The following RFX8 variants were observed in gnomAD, a reference collection of about 807,000 sequenced individuals.
The protein encoded by RFX8 is regulatory factor X8.
In RFX8, 46 loss-of-function variants were observed where a neutral mutation model predicts 54.6. The observed-to-expected ratio is 0.84, with a 90% CI of 0.67 to 1.08. The LOEUF (loss-of-function observed/expected upper bound fraction) is 1.08. Among genes scored for constraint, RFX8 ranks in the 50% least tolerant of loss-of-function variants. The probability of loss-of-function intolerance (pLI) is 0.00; values close to 1 mark genes in which losing one functional copy is unlikely to be tolerated. For synonymous variants in RFX8, 192 were observed against 209.5 expected (o/e 0.92, Z 0.72); for missense variants, 536 against 562.3 (o/e 0.95, Z 0.47).
intron 2 of RFX8, among the ~76,000 whole-genome samples, chr2:101,442,591 T>C (rs1000294870): frequency 6.6e-6 from 1 of 152,210 alleles, no homozygotes; most frequent in Non-Finnish European, 1.5e-5. Context: ...GTTTCAATGA[T>C]AAATGTGTTG....
At chr2:101,425,279 G>A (rs1298270436) in intron 2 of RFX8, among the ~76,000 whole-genome samples, 1 of 152,128 alleles carries the variant, frequency 6.6e-6, no homozygotes, top group Non-Finnish European at 1.5e-5. Context: ...GGGTGTTACT[G>A]CTGATATTCC....
intron 2 of RFX8, among the ~76,000 whole-genome samples, chr2:101,423,668 G>A (rs1402259871): frequency 6.6e-6 from 1 of 152,056 alleles, no homozygotes; most frequent in Non-Finnish European, 1.5e-5. Flanking sequence ...GCCTCACTAA[G>A]CTACTCACTT....
At chr2:101,430,544 G>A (rs182667926) in intron 2 of RFX8, among the ~76,000 whole-genome samples, 66 of 152,290 alleles carry the variant, frequency 4.3e-4, no homozygotes, top group African/African-American at 1.5e-3. Flanking sequence ...GCGAGAAGGC[G>A]GCTGACTGCA....
chr2:101,465,148 C>G (rs912247253), intron 2 of RFX8, among the ~76,000 whole-genome samples: 1 of 152,182 alleles, frequency 6.6e-6, no homozygotes, highest in Non-Finnish European at 1.5e-5. Flanking sequence ...ATAGCCACTT[C>G]AGCAGGTTGG....
At chr2:101,461,807 G>A (rs1439847227) in intron 2 of RFX8, among the ~76,000 whole-genome samples, 3 of 152,136 alleles carry the variant, frequency 2.0e-5, no homozygotes, top group African/African-American at 7.2e-5. Context: ...AAATGGTCTG[G>A]TGGTAATATG....
In RFX8 at chr2:101,421,723, C is replaced by T. The variant is rs1163646546; in HGVS notation, c.237+1G>A. 1 of 1,550,484 alleles carries T rather than the reference C, an allele frequency of 6.4e-7. No homozygotes were observed. On this transcript the variant is annotated splice_donor_variant, in intron 4 of 11. Transcript: ENST00000428343. LOFTEE classifies it high-confidence loss of function. The stretch of plus-strand genomic sequence containing the variant: ...ACCCTCTCAAGTTCTCAGTTCCTCA[C>T]ATTTCGTAAAATGTCTCGACAATAG...
intron 11 of RFX8, among the ~76,000 whole-genome samples, chr2:101,401,731 C>A (rs771869378): frequency 1.3e-5 from 2 of 152,128 alleles, no homozygotes; most frequent in Admixed American, 6.5e-5. Flanking sequence ...CTACAACCTG[C>A]GTCCTGCACT....
rs139433618 is a variant in RFX8, at chr2:101,439,596, C to CTTTTTTTTTT, written c.73-17125_73-17124insAAAAAAAAAA. On this transcript the variant is annotated intron_variant, in intron 2 of 11. Coordinates refer to ENST00000428343, the MANE Select transcript of RFX8 (RefSeq NM_001145664.2). ...ACATTATGAAGATTAGATTGAAGTT[C>CTTTTTTTTTT]ATTTTTTTTTTTTTGCCTGTGGGTT... Among the ~76,000 whole-genome samples the CTTTTTTTTTT allele has an allele frequency of 1.4e-5, 2 of 143,604 alleles. 1 individual carries two copies. Among genetic ancestry groups the CTTTTTTTTTT allele is most frequent in the Non-Finnish European group, 3.0e-5 (2 of 66,110 alleles). The allele number at this position is 143,604 out of a possible 152,430, so 94.2% of individuals were successfully genotyped here. A position where few individuals can be genotyped will look rare whatever the true frequency, so the allele number is the denominator to read the frequency against.
At chr2:101,455,938 TA>T (rs2148979686) in intron 2 of RFX8, among the ~76,000 whole-genome samples, 1 of 152,306 alleles carries the variant, frequency 6.6e-6, no homozygotes, top group Non-Finnish European at 1.5e-5. Context: ...TCACATCCCT[TA>T]TAAGTTGTAT....
intron 2 of RFX8, among the ~76,000 whole-genome samples, chr2:101,434,433 C>T (rs1482974680): frequency 1.3e-5 from 2 of 152,060 alleles, no homozygotes; most frequent in Admixed American, 6.6e-5. Flanking sequence ...AAATGATGAC[C>T]GAGGGGGAGA....
intron 3 of RFX8, among the ~76,000 whole-genome samples, chr2:101,422,127 C>G (rs1384337345): frequency 1.3e-5 from 2 of 152,164 alleles, no homozygotes; most frequent in African/African-American, 2.4e-5. Context: ...CTGTTTCTTT[C>G]TTTGTCTTGG....
intron 1 of RFX8, among the ~76,000 whole-genome samples, chr2:101,472,146 G>A (rs1040896014): frequency 2.6e-5 from 4 of 152,112 alleles, no homozygotes; most frequent in African/African-American, 9.7e-5. Flanking sequence ...TGTCGCCCAC[G>A]CTGAAGCAGA....
Position 101,417,519 on chromosome 2 carries a change from T to C in RFX8, c.502+15A>G. ...CTGTGCCAGCCCAGAATTTATTTTTTTCATCGAAACCTACCTTTGAGTTTG... is the reference window on the plus strand; with the variant it reads ...CTGTGCCAGCCCAGAATTTATTTTTCTCATCGAAACCTACCTTTGAGTTTG... On this transcript the variant is annotated intron_variant, in intron 6 of 11. Coordinates refer to ENST00000428343, the MANE Select transcript of RFX8 (RefSeq NM_001145664.2). The C allele has an allele frequency of 1.9e-6, 3 of 1,541,924 alleles. No individual in the cohort carries two copies. The highest frequency in any genetic ancestry group is 2.6e-6 in the Non-Finnish European group (3 of 1,143,182).
chr2:101,420,702 T>C (rs552670719), intron 4 of RFX8, among the ~76,000 whole-genome samples: 1 of 152,334 alleles, frequency 6.6e-6, no homozygotes, highest in African/African-American at 2.4e-5. Flanking sequence ...ATTTTCTGTC[T>C]ATTGCACCTC....
intron 2 of RFX8, among the ~76,000 whole-genome samples, chr2:101,436,870 G>A (rs992112486): frequency 2.6e-5 from 4 of 152,094 alleles, no homozygotes; most frequent in African/African-American, 7.2e-5. Flanking sequence ...ATGCCTGTGC[G>A]TCCAGAGGAA....
At chr2:101,420,554 C>A (rs7568697) in intron 4 of RFX8, among the ~76,000 whole-genome samples, 133,731 of 152,034 alleles carry the variant, frequency 0.88, 59,645 homozygotes, top group Non-Finnish European at 0.96. Flanking sequence ...CACACACACA[C>A]AAAAAAGAAA....
intron 5 of RFX8, among the ~76,000 whole-genome samples, chr2:101,418,081 G>A (rs1050911117): frequency 1.3e-5 from 2 of 151,890 alleles, no homozygotes; most frequent in Non-Finnish European, 1.5e-5. Context: ...TAGTAGAGAC[G>A]GGGTTTAACC....
rs1011875692 is a variant in RFX8, at chr2:101,436,709, C to T, written c.73-14237G>A. On this transcript the variant is annotated intron_variant, in intron 2 of 11. Coordinates refer to ENST00000428343, the MANE Select transcript of RFX8 (RefSeq NM_001145664.2). ...TTTTAAACACAATAGAGATGGCATT[C>T]GTAAAAGTCGTGTGTGAGAACGCAC... Among the ~76,000 whole-genome samples, 25 of 152,258 alleles carry T rather than the reference C, an allele frequency of 1.6e-4. 1 individual carries two copies. In the East Asian group the frequency reaches 3.5e-3, roughly 21 times the overall value.
chr2:101,431,499 C>T (rs1484185185), intron 2 of RFX8, among the ~76,000 whole-genome samples: 1 of 152,146 alleles, frequency 6.6e-6, no homozygotes. Context: ...ATCACATCAC[C>T]ATATAAGGAT....
Sources: gnomAD v4.1 joint callset for allele counts (sites outside exome capture counted in the v4.1 genomes callset) on GRCh38, gnomAD v4.1.1 for gene constraint, MANE v1.5 for transcripts, NCBI Gene and HGNC (gene_info 2026-07-23, HGNC 2026-07-21) for gene names.